Variants in PCDHB10 observed in about 807,000 individuals in gnomAD.
The protein encoded by PCDHB10 is protocadherin beta 10.
For synonymous variants in PCDHB10, 448 were observed against 449.2 expected, an observed-to-expected ratio of 1.00 and a Z score of 0.04; for missense variants, 1,046 against 1,004.7, an observed-to-expected ratio of 1.04 and a Z score of -0.56.
chr5:141,193,676 C>G lies in PCDHB10; in HGVS notation c.1124C>G (p.Ser375Cys). 1.2e-6 allele frequency: 2 copies of G among 1,614,120 alleles called. No homozygotes were observed. The highest frequency in any genetic ancestry group is 4.5e-5 in the East Asian group (2 of 44,876). ...LAVFKINDRD[S>C]GENGKMVCYI... ...GTTTTTAAGATTAATGACAGAGACT[C>G]TGGAGAAAATGGAAAGATGGTTTGC... is the stretch of plus-strand genomic sequence containing the variant. Residue 375 changes from serine (S) to cysteine (C), a missense_variant, in exon 1 of 1, where the codon TCT becomes TGT. Transcript: ENST00000239446.
Position 141,194,719 on chromosome 5 carries a change from T to C in PCDHB10, c.2167T>C (p.Ser723Pro), listed in dbSNP as rs782787946. 3.1e-6 allele frequency: 5 copies of C among 1,611,316 alleles called. No homozygotes were observed. The South Asian group carries it at 3.3e-5, about 11-fold the overall frequency. ...VRLCRRSRAA[S>P]VGRCSVPEGP... ...GCTGTGCAGGAGGAGCAGGGCGGCC[T>C]CGGTGGGTCGCTGCTCGGTGCCCGA... Residue 723 changes from serine (S) to proline (P), a missense_variant, in exon 1 of 1, where the codon TCG becomes CCG. Transcript: ENST00000239446.
rs1753924335 is a variant in PCDHB10 at position 141,192,477 on chromosome 5, C to A, written c.-76C>A. On this transcript the variant is annotated 5_prime_UTR_variant, in exon 1 of 1. Coordinates refer to ENST00000239446, the MANE Select transcript of PCDHB10 (RefSeq NM_018930.4). ...ACCCCTGGGCTACACGGCGTAGGTG[C>A]AGGGTTTCCTACTGCTGTTCTTTTA... The A allele has an allele frequency of 7.1e-6, 11 of 1,544,530 alleles. No individual in the cohort carries two copies. The highest frequency in any genetic ancestry group is 9.6e-6 in the Non-Finnish European group (11 of 1,146,070).
rs1408550630 is a variant in PCDHB10 at position 141,193,770 on chromosome 5, A to C, written c.1218A>C (p.Glu406Asp). The stretch of plus-strand genomic sequence containing the variant: ...AGAATTTTTACATCCTAATTACAGA[A>C]GGCGCGCTGGACAGAGAGATCAGAG... ...SVENFYILIT[E>D]GALDREIRAE... Residue 406 changes from glutamate (E) to aspartate (D), a missense_variant, in exon 1 of 1, where the codon GAA (glutamate) becomes GAC (aspartate). Glu to Asp is a conservative substitution (Grantham distance 45, BLOSUM62 2). Transcript: ENST00000239446. 1.2e-6 allele frequency: 2 copies of C among 1,614,080 alleles called. No individual in the cohort carries two copies. The highest frequency in any genetic ancestry group is 1.7e-6 in the Non-Finnish European group (2 of 1,180,056).
rs782534809 is a variant in PCDHB10 at position 141,194,398 on chromosome 5, G to C, written c.1846G>C (p.Gly616Arg). 13 of 1,602,948 alleles carry C rather than the reference G, an allele frequency of 8.1e-6. No homozygotes were observed. The highest frequency in any genetic ancestry group is 1.3e-5 in the African/African-American group (1 of 74,826). Residue 616 changes from glycine to arginine, a missense_variant, in exon 1 of 1, where the codon GGT becomes CGT. Coordinates refer to ENST00000239446, the MANE Select transcript of PCDHB10 (RefSeq NM_018930.4). ...LLKATEPGLF[G>R]VWAHNGEVRT... ...CAAGGCCACGGAGCCCGGGCTGTTC[G>C]GTGTGTGGGCGCACAATGGGGAGGT...
chr5:141,193,762 A>G lies in PCDHB10; in HGVS notation c.1210A>G (p.Ile404Val). The G allele has an allele frequency of 6.2e-7, 1 of 1,614,128 alleles. No individual in the cohort carries two copies. Among genetic ancestry groups the G allele is most frequent in the Non-Finnish European group, 8.5e-7 (1 of 1,180,034 alleles). The change falls in exon 1 of 1, where the codon ATT becomes GTT. Residue 404 changes from isoleucine to valine, a missense_variant. Coordinates refer to ENST00000239446, the MANE Select transcript of PCDHB10 (RefSeq NM_018930.4). ...TTCTGTGGAGAATTTTTACATCCTAATTACAGAAGGCGCGCTGGACAGAGA... is the reference window on the plus strand; with the variant it reads ...TTCTGTGGAGAATTTTTACATCCTAGTTACAGAAGGCGCGCTGGACAGAGA... The part of the protein sequence containing the change: ...KPSVENFYIL[I>V]TEGALDREIR...
In PCDHB10 at chr5:141,192,714, A is replaced by G. The variant is rs951576968; in HGVS notation, c.162A>G (p.Leu54=). 8 of 1,613,168 alleles carry G rather than the reference A, an allele frequency of 5.0e-6. No homozygotes were observed. In the Admixed American group the frequency reaches 5.0e-5, roughly 10 times the overall value. The change falls in exon 1 of 1, where the codon CTA becomes CTG. Residue 54 remains leucine (L), a synonymous_variant. Transcript: ENST00000239446. ...FVVNLAKDLG[L]AEGELAARGT... ...TCAATCTGGCAAAGGATCTGGGACTAGCAGAGGGGGAGCTGGCTGCAAGGG... is the reference window on the plus strand; with the variant it reads ...TCAATCTGGCAAAGGATCTGGGACTGGCAGAGGGGGAGCTGGCTGCAAGGG...
chr5:141,193,663 A>C lies in PCDHB10; in HGVS notation c.1111A>C (p.Asn371His), dbSNP rs782467915. Residue 371 changes from asparagine to histidine, a missense_variant, in exon 1 of 1, where the codon AAT (asparagine) becomes CAT (histidine). By Grantham distance (68) the Asn-to-His change is moderately conservative. Transcript: ENST00000239446. ...GACGCCGCTGGCTGTTTTTAAGATT[A>C]ATGACAGAGACTCTGGAGAAAATGG... ...PETPLAVFKI[N>H]DRDSGENGKM... The C allele has an allele frequency of 6.2e-7, 1 of 1,614,142 alleles. No homozygotes were observed. Among genetic ancestry groups the C allele is most frequent in the Non-Finnish European group, 8.5e-7 (1 of 1,180,036 alleles).
Position 141,193,076 on chromosome 5 carries a change from A to G in PCDHB10, c.524A>G (p.Asn175Ser), listed in dbSNP as rs781998313. ...NGIQNYTISP[N>S]SFFHINISGG... ...ATCCAAAACTACACGATCAGCCCCA[A>G]CTCTTTTTTCCATATTAACATTAGT... Residue 175 changes from asparagine (N) to serine (S), a missense_variant, in exon 1 of 1, where the codon AAC becomes AGC. By Grantham distance (46) the Asn-to-Ser change is conservative. Coordinates refer to ENST00000239446, the MANE Select transcript of PCDHB10 (RefSeq NM_018930.4). 8.4e-5 allele frequency: 135 copies of G among 1,613,996 alleles called. No homozygotes were observed. Among genetic ancestry groups the G allele is most frequent in the Non-Finnish European group, 1.1e-4 (131 of 1,180,034 alleles).
chr5:141,194,925 C>T lies in PCDHB10; in HGVS notation c.2373C>T (p.Phe791=). 6.2e-7 allele frequency: 1 copy of T among 1,611,474 alleles called. No homozygotes were observed. Among genetic ancestry groups the T allele is most frequent in the Non-Finnish European group, 8.5e-7 (1 of 1,178,444 alleles). Residue 791 remains phenylalanine (F), a synonymous_variant, in exon 1 of 1, where the codon TTC becomes TTT. Coordinates refer to ENST00000239446, the MANE Select transcript of PCDHB10 (RefSeq NM_018930.4). ...PGRKGEENST[F]RNSFGFNIQ is the part of the protein sequence containing the mutation. ...GGAAGGGTGAAGAAAATTCCACCTT[C>T]CGAAATAGCTTTGGATTTAATATTC...
In PCDHB10 at chr5:141,195,267, C is replaced by G. The variant is rs1554284601; in HGVS notation, c.*312C>G. 1 of 234,366 alleles carries G rather than the reference C, an allele frequency of 4.3e-6. No individual in the cohort carries two copies. The highest frequency in any genetic ancestry group is 9.0e-6 in the Non-Finnish European group (1 of 111,652). The allele number at this position is 234,366 out of a possible 1,614,324, so 14.5% of individuals were successfully genotyped here. ...ATTTCAGAGCTTGCATCTCATGATT[C>G]TAATCACTTCTGTCTATAGTGTACT... On this transcript the variant is annotated 3_prime_UTR_variant, in exon 1 of 1. Coordinates refer to ENST00000239446, the MANE Select transcript of PCDHB10 (RefSeq NM_018930.4).
Position 141,192,759 on chromosome 5 carries a change from T to A in PCDHB10, c.207T>A (p.Asp69Glu). 6.2e-7 allele frequency: 1 copy of A among 1,608,644 alleles called. No individual in the cohort carries two copies. Among genetic ancestry groups the A allele is most frequent in the Non-Finnish European group, 8.5e-7 (1 of 1,176,522 alleles). ...CAAGGGGAACCAGGGTGGTTTCCGA[T>A]GATAACAAACAATACCTGCTCCTGG... The part of the protein sequence containing the change: ...LAARGTRVVS[D>E]DNKQYLLLDS... Residue 69 changes from aspartate (D) to glutamate (E), a missense_variant, in exon 1 of 1, where the codon GAT becomes GAA. Transcript: ENST00000239446.
rs1753921861 is a variant in PCDHB10 at position 141,192,356 on chromosome 5, T to C, written c.-197T>C. 1 of 661,510 alleles carries C rather than the reference T, an allele frequency of 1.5e-6. No homozygotes were observed. The highest frequency in any genetic ancestry group is 2.5e-6 in the Non-Finnish European group (1 of 395,122). 41.0% of individuals were successfully genotyped at this position (661,510 alleles called of 1,614,324 possible). A position where few individuals can be genotyped will look rare whatever the true frequency, so the allele number is the denominator to read the frequency against. ...GACGGTTTGGGAATTGCTCTGAGGA[T>C]GCTATGCAAGTCACTAATAAAGGAA... is the stretch of plus-strand genomic sequence containing the variant. On this transcript the variant is annotated 5_prime_UTR_variant, in exon 1 of 1. It removes an upstream start codon present in the reference 5' UTR. Coordinates refer to ENST00000239446, the MANE Select transcript of PCDHB10 (RefSeq NM_018930.4).
Position 141,193,442 on chromosome 5 carries a change from T to C in PCDHB10, c.890T>C (p.Phe297Ser). 1 of 1,614,144 alleles carries C rather than the reference T, an allele frequency of 6.2e-7. No individual in the cohort carries two copies. The highest frequency in any genetic ancestry group is 8.5e-7 in the Non-Finnish European group (1 of 1,180,020). Residue 297 changes from phenylalanine to serine, a missense_variant, in exon 1 of 1, where the codon TTT (phenylalanine) becomes TCT (serine). Transcript: ENST00000239446. ...CGAACAACCTTTCAAATCAATCCTTTTTCTGGGGAAATCTTTCTCAGAGAA... is the reference window on the plus strand; with the variant it reads ...CGAACAACCTTTCAAATCAATCCTTCTTCTGGGGAAATCTTTCTCAGAGAA... ...NIRTTFQINP[F>S]SGEIFLRELL...
In PCDHB10 at chr5:141,193,986, A is replaced by G. The variant is rs1753979545; in HGVS notation, c.1434A>G (p.Arg478=). 6.2e-7 allele frequency: 1 copy of G among 1,610,046 alleles called. No individual in the cohort carries two copies. The highest frequency in any genetic ancestry group is 1.3e-5 in the African/African-American group (1 of 74,648). The change falls in exon 1 of 1, where the codon AGA becomes AGG. Residue 478 remains arginine, a synonymous_variant. Coordinates refer to ENST00000239446, the MANE Select transcript of PCDHB10 (RefSeq NM_018930.4). ...TCGGCAGCGTCAGCGCCACAGACAG[A>G]GACTCGGGCACCAACGCCCAGGTCA... ...LHIGSVSATD[R]DSGTNAQVTY...
In PCDHB10 at chr5:141,193,935, C is replaced by A. The variant is rs61730161; in HGVS notation, c.1383C>A (p.Arg461=). The change falls in exon 1 of 1, where the codon CGC becomes CGA. Residue 461 remains arginine, a synonymous_variant. Coordinates refer to ENST00000239446, the MANE Select transcript of PCDHB10 (RefSeq NM_018930.4). ...AAACCTCCTACACCCTGTTCGTCCG[C>A]GAGAACAACAGCCCCGCCCTGCACA... ...FTQTSYTLFV[R]ENNSPALHIG... is the part of the protein sequence containing the mutation. 5 of 1,611,988 alleles carry A rather than the reference C, an allele frequency of 3.1e-6. No individual in the cohort carries two copies. Among genetic ancestry groups the A allele is most frequent in the South Asian group, 2.2e-5 (2 of 90,986 alleles).
chr5:141,193,866 G>C lies in PCDHB10; in HGVS notation c.1314G>C (p.Thr438=), dbSNP rs610836. 654,285 of 1,554,074 alleles carry C rather than the reference G, an allele frequency of 0.42. 145,470 individuals carry two copies. Among genetic ancestry groups the C allele is most frequent in the East Asian group, 0.58 (25,942 of 44,530 alleles). Residue 438 remains threonine, a synonymous_variant, in exon 1 of 1, where the codon ACG becomes ACC. Coordinates refer to ENST00000239446, the MANE Select transcript of PCDHB10 (RefSeq NM_018930.4). ...GGCTGAAAACCGAGCACAACATAAC[G>C]GTCCTGGTCTCCGACGTCAATGACA... The part of the protein sequence containing the change: ...TPRLKTEHNI[T]VLVSDVNDNA...
Position 141,193,005 on chromosome 5 carries a change from A to C in PCDHB10, c.453A>C (p.Ala151=). ...KISENTAEGT[A]FRLERAQDPD... is the part of the protein sequence containing the mutation. ...CAGAAAATACAGCTGAAGGGACAGCATTTAGACTAGAAAGAGCACAGGATC... is the reference window on the plus strand; with the variant it reads ...CAGAAAATACAGCTGAAGGGACAGCCTTTAGACTAGAAAGAGCACAGGATC... Residue 151 remains alanine (A), a synonymous_variant, in exon 1 of 1, where the codon GCA becomes GCC. Transcript: ENST00000239446. 3.1e-6 allele frequency: 5 copies of C among 1,614,202 alleles called. No individual in the cohort carries two copies. The highest frequency in any genetic ancestry group is 3.4e-6 in the Non-Finnish European group (4 of 1,180,038).
At position 141,193,386 on chromosome 5, in the gene PCDHB10, C is replaced by T; in HGVS notation, c.834C>T (p.Ser278=). The change falls in exon 1 of 1, where the codon TCC becomes TCT. Residue 278 remains serine, a synonymous_variant. Transcript: ENST00000239446. ...DVDSGVNAEV[S]YSFFDASENI... is the part of the protein sequence containing the mutation. ...ACTCTGGAGTCAACGCGGAAGTATC[C>T]TATTCATTTTTTGATGCCTCAGAAA... The T allele has an allele frequency of 6.2e-7, 1 of 1,614,146 alleles. No homozygotes were observed. Among genetic ancestry groups the T allele is most frequent in the Non-Finnish European group, 8.5e-7 (1 of 1,180,020 alleles).
In PCDHB10 at chr5:141,193,420, A is replaced by G. The variant is rs782755634; in HGVS notation, c.868A>G (p.Thr290Ala). 9.3e-6 allele frequency: 15 copies of G among 1,614,048 alleles called. No homozygotes were observed. In the South Asian group the frequency reaches 1.6e-4, roughly 18 times the overall value. ...TTTTGATGCCTCAGAAAATATTCGAACAACCTTTCAAATCAATCCTTTTTC... is the reference window on the plus strand; with the variant it reads ...TTTTGATGCCTCAGAAAATATTCGAGCAACCTTTCAAATCAATCCTTTTTC... The part of the protein sequence containing the change: ...SFFDASENIR[T>A]TFQINPFSGE... Residue 290 changes from threonine (T) to alanine (A), a missense_variant, in exon 1 of 1, where the codon ACA (threonine) becomes GCA (alanine). By Grantham distance (58) the Thr-to-Ala change is moderately conservative (BLOSUM62 0). Coordinates refer to ENST00000239446, the MANE Select transcript of PCDHB10 (RefSeq NM_018930.4).
Sources: gnomAD v4.1 joint callset for allele counts on GRCh38, gnomAD v4.1.1 for gene constraint, MANE v1.5 for transcripts, NCBI Gene and HGNC (gene_info 2026-07-23, HGNC 2026-07-21) for gene names.